Variants in KIAA1217 observed in about 807,000 individuals in gnomAD.
The protein encoded by KIAA1217 is KIAA1217, also known as sickle tail protein homolog.
KIAA1217 carries 88 observed loss-of-function variants against 163.9 expected under a neutral mutation model. The observed-to-expected ratio is 0.54, with a 90% confidence interval of 0.45 to 0.64. KIAA1217 has a LOEUF of 0.64. Ranked by LOEUF, KIAA1217 falls within the 30% of genes least tolerant of loss-of-function variation. KIAA1217 has a pLI of 0.00. For synonymous variants in KIAA1217, 903 were observed against 923.1 expected (o/e 0.98, Z 0.39); for missense variants, 2,372 against 2,475.0 (o/e 0.96, Z 0.88).
intron 1 of KIAA1217, among the ~76,000 whole-genome samples, chr10:23,840,810 A>T (rs903685447): frequency 1.2e-4 from 18 of 152,216 alleles, no homozygotes; most frequent in African/African-American, 4.3e-4. Context: ...TCATAATCAG[A>T]GTTCGACAGA....
intron 1 of KIAA1217, among the ~76,000 whole-genome samples, chr10:23,901,760 A>T (rs1378705257): frequency 6.6e-6 from 1 of 151,724 alleles, no homozygotes; most frequent in African/African-American, 2.4e-5. Flanking sequence ...TACAAAAGAA[A>T]ATTAGTGTGG....
chr10:24,152,641 C>T (rs1412286347), intron 2 of KIAA1217, among the ~76,000 whole-genome samples: 1 of 151,686 alleles, frequency 6.6e-6, no homozygotes, highest in East Asian at 1.9e-4. Flanking sequence ...TCTCCTTGGA[C>T]TAAATAGGGC....
chr10:24,086,468 T>C (rs2061701482), intron 2 of KIAA1217, among the ~76,000 whole-genome samples: 2 of 152,206 alleles, frequency 1.3e-5, no homozygotes, highest in South Asian at 4.1e-4. Context: ...GTGTATCAGA[T>C]TTTAAATAAG....
chr10:23,796,325 C>T (rs1836199482), intron 1 of KIAA1217, among the ~76,000 whole-genome samples: 1 of 150,708 alleles, frequency 6.6e-6, no homozygotes, highest in Non-Finnish European at 1.5e-5. Flanking sequence ...TAAGCCTTGC[C>T]TTCCCGAGAG....
chr10:24,448,394 T>A (rs2061136119), intron 5 of KIAA1217, among the ~76,000 whole-genome samples: 1 of 152,174 alleles, frequency 6.6e-6, no homozygotes, highest in Admixed American at 6.5e-5. Context: ...GCTTTATTTT[T>A]ATTTTATTTT....
chr10:23,949,245 G>C (rs896665333), intron 1 of KIAA1217, among the ~76,000 whole-genome samples: 2 of 152,106 alleles, frequency 1.3e-5, no homozygotes, highest in African/African-American at 4.8e-5. Context: ...GGAAATTCTA[G>C]CAAAACAAGA....
At chr10:23,794,101 C>A (rs1836087428) in intron 1 of KIAA1217, among the ~76,000 whole-genome samples, 1 of 152,150 alleles carries the variant, frequency 6.6e-6, no homozygotes, top group Non-Finnish European at 1.5e-5. Flanking sequence ...TGCTTTCCAA[C>A]TTGCCTTTAA....
chr10:24,334,480 G>GAAGGAAGGAAAGAAGA (rs548225852), intron 2 of KIAA1217, among the ~76,000 whole-genome samples: 1 of 81,870 alleles, frequency 1.2e-5, no homozygotes, highest in South Asian at 3.5e-4. Context: ...AGGAAGGAAG[G>GAAGGAAGGAAAGAAGA]AAGGAACTTA....
chr10:24,399,191 C>T (rs1326154786), intron 3 of KIAA1217, among the ~76,000 whole-genome samples: 1 of 152,168 alleles, frequency 6.6e-6, no homozygotes, highest in Non-Finnish European at 1.5e-5. Context: ...AGTAAGTACT[C>T]TGTAAATTAG....
At chr10:23,858,858 A>T (rs1248808430) in intron 1 of KIAA1217, among the ~76,000 whole-genome samples, 1 of 152,170 alleles carries the variant, frequency 6.6e-6, no homozygotes, top group Non-Finnish European at 1.5e-5. Context: ...TCTCCATCTT[A>T]TGATTCTATT....
rs367605713 is a variant in KIAA1217, at chr10:24,281,774, T to C, written c.354+61865T>C. Among the ~76,000 whole-genome samples, 184 of 151,954 alleles carry C rather than the reference T, an allele frequency of 1.2e-3. 1 individual carries two copies. Among genetic ancestry groups the C allele is most frequent in the African/African-American group, 4.4e-3 (181 of 41,306 alleles). The stretch of plus-strand genomic sequence containing the variant: ...CATTATATCATATCAAGAGTAACAA[T>C]AATCGGCCGGGCTCGGTGGCTCACG... On this transcript the variant is annotated intron_variant, in intron 2 of 20. Transcript: ENST00000376454.
chr10:23,770,296 C>A (rs1227144516), intron 1 of KIAA1217, among the ~76,000 whole-genome samples: 1 of 152,194 alleles, frequency 6.6e-6, no homozygotes, highest in Non-Finnish European at 1.5e-5. Flanking sequence ...AATGTGCAAG[C>A]CCCATTCCTC....
chr10:24,293,832 A>G (rs1447715785), intron 2 of KIAA1217, among the ~76,000 whole-genome samples: 1 of 152,178 alleles, frequency 6.6e-6, no homozygotes, highest in Non-Finnish European at 1.5e-5. Context: ...GAGTGCAGAA[A>G]CCCTTTGCAA....
At chr10:23,795,907 G>A in intron 1 of KIAA1217, among the ~76,000 whole-genome samples, 1 of 152,216 alleles carries the variant, frequency 6.6e-6, no homozygotes, top group East Asian at 1.9e-4. Context: ...TTGTGACTCT[G>A]ACTTGCTTGG....
intron 3 of KIAA1217, among the ~76,000 whole-genome samples, chr10:24,431,311 C>T (rs1294511010): frequency 1.3e-5 from 2 of 152,222 alleles, no homozygotes; most frequent in Non-Finnish European, 2.9e-5. Flanking sequence ...AAAAGCAAGA[C>T]TCAAATTCAG....
chr10:24,378,591 CT>C (rs2052852983), intron 2 of KIAA1217, among the ~76,000 whole-genome samples: 2 of 152,014 alleles, frequency 1.3e-5, no homozygotes, highest in South Asian at 4.2e-4. Flanking sequence ...CTCTGGTCCA[CT>C]TTTACCCATG....
intron 1 of KIAA1217, among the ~76,000 whole-genome samples, chr10:23,856,315 G>A (rs1181434668): frequency 6.6e-6 from 1 of 152,226 alleles, no homozygotes; most frequent in Non-Finnish European, 1.5e-5. Flanking sequence ...AGCAGTGGCT[G>A]CAGAACAGCG....
chr10:24,494,445 A>G, intron 6 of KIAA1217, 55 bp from the exon 7 acceptor site: 1 of 1,465,742 alleles, frequency 6.8e-7, no homozygotes, highest in Non-Finnish European at 9.5e-7. Flanking sequence ...ATTCACCCGG[A>G]CAAACTGGTT....
At chr10:24,137,641 G>C (rs1384176042) in intron 2 of KIAA1217, among the ~76,000 whole-genome samples, 1 of 152,194 alleles carries the variant, frequency 6.6e-6, no homozygotes, top group Non-Finnish European at 1.5e-5. Flanking sequence ...CATAAAATGT[G>C]ACATGCCATT....
Sources: allele counts gnomAD v4.1 joint callset (sites outside exome capture counted in the v4.1 genomes callset), GRCh38; gene constraint gnomAD v4.1.1; transcripts MANE v1.5; gene names NCBI Gene and HGNC (gene_info 2026-07-23, HGNC 2026-07-21).